Variants in PLPPR4 observed in about 807,000 individuals in gnomAD.
PLPPR4 encodes the protein phospholipid phosphatase-related protein type 4.
In PLPPR4, 24 loss-of-function variants were observed where a neutral mutation model predicts 56.6. The ratio of observed to expected loss-of-function variants is 0.42; its 90% CI spans 0.31 to 0.60. The LOEUF (loss-of-function observed/expected upper bound fraction) is 0.60, where lower values mean the gene tolerates loss of function less well. PLPPR4 is among the 20% of genes least tolerant of loss of function. PLPPR4 has a pLI of 0.13. For synonymous variants in PLPPR4, 326 were observed against 328.1 expected (o/e 0.99, Z 0.07); for missense variants, 654 against 885.8 (o/e 0.74, Z 3.32).
Position 99,306,884 on chromosome 1 carries a change from T to A in PLPPR4, c.2022T>A (p.Ser674=), listed in dbSNP as rs41285714. 1 of 1,614,144 alleles carries A rather than the reference T, an allele frequency of 6.2e-7. No individual in the cohort carries two copies. Among genetic ancestry groups the A allele is most frequent in the Non-Finnish European group, 8.5e-7 (1 of 1,180,026 alleles). Residue 674 remains serine, a synonymous_variant, in exon 7 of 7, where the codon TCT becomes TCA. Coordinates refer to ENST00000370185, the MANE Select transcript of PLPPR4 (RefSeq NM_014839.5). This position sits in a 1 kb window ranked among gnomAD's most constrained non-coding sequence, Gnocchi z 4.0. ...GCTCAGAGACGCTGTCCATTTCTTC[T>A]TCCCGCGACTCCACCCTGCGGAGAA... is the stretch of plus-strand genomic sequence containing the variant. ...EIGSETLSIS[S]SRDSTLRRKG... is the part of the protein sequence containing the mutation.
chr1:99,309,443 A>G lies in PLPPR4; in HGVS notation c.*2433A>G, dbSNP rs1660130452. 1 of 149,286 alleles carries G rather than the reference A, an allele frequency of 6.7e-6. No homozygotes were observed. Among genetic ancestry groups the G allele is most frequent in the African/African-American group, 2.6e-5 (1 of 38,824 alleles). 9.2% of individuals were successfully genotyped at this position (149,286 alleles called of 1,614,324 possible). On this transcript the variant is annotated 3_prime_UTR_variant, in exon 7 of 7. Transcript: ENST00000370185. ...ATAGTATATATAAAGTACTGTGTTT[A>G]AAAAAATGTTATGCAATGTTTTCCA...
intron 6 of PLPPR4, among the ~76,000 whole-genome samples, chr1:99,303,487 C>A (rs892964059): frequency 6.6e-6 from 1 of 152,010 alleles, no homozygotes; most frequent in Non-Finnish European, 1.5e-5. Flanking sequence ...TATAAAACTG[C>A]CAGGTCATAA....
intron 6 of PLPPR4, among the ~76,000 whole-genome samples, chr1:99,303,698 A>G (rs1196719931): frequency 2.6e-5 from 4 of 152,216 alleles, no homozygotes; most frequent in Non-Finnish European, 5.9e-5. Context: ...GAAGTGTGCT[A>G]TAATTTTATA....
chr1:99,264,747 T>C, intron 1 of PLPPR4, 76 bp downstream of exon 1: 1 of 1,490,804 alleles, frequency 6.7e-7, no homozygotes, highest in Non-Finnish European at 9.1e-7. Context: ...CTGGACAGTG[T>C]TGGAGGCGCA....
intron 6 of PLPPR4, among the ~76,000 whole-genome samples, chr1:99,302,928 G>T (rs1401516890): frequency 9.2e-5 from 14 of 151,558 alleles, no homozygotes. Context: ...TGGACATTTG[G>T]GTTGGTTCCA....
At chr1:99,293,891 A>C (rs1659680236) in intron 2 of PLPPR4, among the ~76,000 whole-genome samples, 1 of 152,130 alleles carries the variant, frequency 6.6e-6, no homozygotes, top group Non-Finnish European at 1.5e-5. Flanking sequence ...ATCTCCCCTG[A>C]AGTAGTCATT....
At chr1:99,303,485 T>G (rs1659939005) in intron 6 of PLPPR4, among the ~76,000 whole-genome samples, 1 of 152,204 alleles carries the variant, frequency 6.6e-6, no homozygotes, top group South Asian at 2.1e-4. Flanking sequence ...TATATAAAAC[T>G]GCCAGGTCAT....
At chr1:99,299,673 G>A (rs1351848171) in intron 4 of PLPPR4, among the ~76,000 whole-genome samples, 1 of 151,946 alleles carries the variant, frequency 6.6e-6, no homozygotes, top group Non-Finnish European at 1.5e-5. Context: ...TAAAGTTTGA[G>A]GAGGGGTAAC....
intron 1 of PLPPR4, among the ~76,000 whole-genome samples, chr1:99,265,953 A>C (rs1658882934): frequency 2.0e-5 from 3 of 152,228 alleles, no homozygotes; most frequent in Admixed American, 2.0e-4. Context: ...TGACCCCTGC[A>C]TTCATGAACC....
At chr1:99,274,182 G>A (rs1375250982) in intron 1 of PLPPR4, among the ~76,000 whole-genome samples, 5 of 151,720 alleles carry the variant, frequency 3.3e-5, no homozygotes, top group Non-Finnish European at 5.9e-5. Context: ...TTTTTTAAAA[G>A]AATATAGTTT....
Position 99,265,125 on chromosome 1 carries a change from A to G in PLPPR4, c.78+454A>G, listed in dbSNP as rs1163572593. Among the ~76,000 whole-genome samples the G allele has an allele frequency of 2.8e-5, 4 of 141,350 alleles. No homozygotes were observed. In the South Asian group the frequency reaches 6.9e-4, roughly 24 times the overall value. The allele number at this position is 141,350 out of a possible 152,430, so 92.7% of individuals were successfully genotyped here. A position where few individuals can be genotyped will look rare whatever the true frequency, so the allele number is the denominator to read the frequency against. On this transcript the variant is annotated intron_variant, in intron 1 of 6. Coordinates refer to ENST00000370185, the MANE Select transcript of PLPPR4 (RefSeq NM_014839.5). The stretch of plus-strand genomic sequence containing the variant: ...GTGTTTACATAGTACAAATATTGTT[A>G]ATTGCTTTTATTGCTCCTGCCCCCC...
intron 1 of PLPPR4, among the ~76,000 whole-genome samples, chr1:99,267,234 C>T (rs1658922293): frequency 1.3e-5 from 2 of 152,232 alleles, no homozygotes; most frequent in South Asian, 4.1e-4. Flanking sequence ...TTTTAAATTA[C>T]TAATTCATGA....
At chr1:99,265,473 A>T (rs1658871882) in intron 1 of PLPPR4, among the ~76,000 whole-genome samples, 1 of 152,184 alleles carries the variant, frequency 6.6e-6, no homozygotes, top group Non-Finnish European at 1.5e-5. Flanking sequence ...TGTTATAAAG[A>T]TTGGCAGATA....
At chr1:99,276,498 T>C (rs1172269679) in intron 1 of PLPPR4, among the ~76,000 whole-genome samples, 3 of 152,130 alleles carry the variant, frequency 2.0e-5, no homozygotes, top group Non-Finnish European at 4.4e-5. Context: ...TGATGGTCTT[T>C]AATTCAGTCA....
chr1:99,266,981 G>A (rs192735627), intron 1 of PLPPR4, among the ~76,000 whole-genome samples: 111 of 152,328 alleles, frequency 7.3e-4, no homozygotes, highest in African/African-American at 2.6e-3. Context: ...ATGACACTTT[G>A]CTTTACAGCA....
chr1:99,306,472 A>G lies in PLPPR4; in HGVS notation c.1610A>G (p.Gln537Arg). ...ATGCAAGTCATAGCCATGTCCAAGC[A>G]GCAGGGTGTCCTCCAAAGCAGCCCC... is the stretch of plus-strand genomic sequence containing the variant. ...RIMQVIAMSK[Q>R]QGVLQSSPKN... The change falls in exon 7 of 7, where the codon CAG becomes CGG. Residue 537 changes from glutamine (Q) to arginine (R), a missense_variant. By Grantham distance (43) the Gln-to-Arg change is conservative. This residue lies in a region of PLPPR4 where 468 missense variants were observed against 554.3 expected (regional missense o/e 0.84). Transcript: ENST00000370185. The surrounding 1 kb of genome is among the most constrained non-coding windows in gnomAD (Gnocchi z 4.0). 1 of 1,614,200 alleles carries G rather than the reference A, an allele frequency of 6.2e-7. No individual in the cohort carries two copies. The highest frequency in any genetic ancestry group is 8.5e-7 in the Non-Finnish European group (1 of 1,180,030).
intron 6 of PLPPR4, 22 bp from the exon 7 acceptor site, chr1:99,305,663 A>G: frequency 6.3e-7 from 1 of 1,595,042 alleles, no homozygotes; most frequent in Non-Finnish European, 8.5e-7. Context: ...CATGATATTT[A>G]TTGCTTTCTC....
At chr1:99,265,005 T>G (rs1046085506) in intron 1 of PLPPR4, among the ~76,000 whole-genome samples, 4 of 152,226 alleles carry the variant, frequency 2.6e-5, no homozygotes, top group Non-Finnish European at 5.9e-5. Flanking sequence ...GGGGCCATGA[T>G]GCCCATATTT....
chr1:99,291,379 G>C (rs1266878551), intron 2 of PLPPR4, among the ~76,000 whole-genome samples: 1 of 152,154 alleles, frequency 6.6e-6, no homozygotes, highest in Non-Finnish European at 1.5e-5. Context: ...ATTCCTCAAA[G>C]ACCTAAAGTC....
Sources: allele counts gnomAD v4.1 joint callset (sites outside exome capture counted in the v4.1 genomes callset), GRCh38; gene constraint gnomAD v4.1.1; regional missense constraint gnomAD v4.1.1; non-coding constraint Gnocchi (gnomAD v3.1); transcripts MANE v1.5; gene names NCBI Gene and HGNC (gene_info 2026-07-23, HGNC 2026-07-21).